The following CELF4 variants were observed in gnomAD, a reference collection of about 807,000 sequenced individuals.
The protein encoded by CELF4 is CUG-BP- and ETR-3-like factor 4.
A neutral mutation model predicts 59.9 loss-of-function variants in CELF4; 18 were observed. The ratio of observed to expected loss-of-function variants is 0.30; its 90% CI spans 0.21 to 0.45. The LOEUF (loss-of-function observed/expected upper bound fraction) is 0.45, where lower values mean the gene tolerates loss of function less well. Among genes scored for constraint, CELF4 ranks in the 20% least tolerant of loss-of-function variants. The pLI, the probability that CELF4 is intolerant of heterozygous loss-of-function variation, is 1.00. For missense variants in CELF4, 456 were observed against 689.0 expected, an observed-to-expected ratio of 0.66 and a Z score of 3.79; for synonymous variants, 261 against 267.1, an observed-to-expected ratio of 0.98 and a Z score of 0.22.
intron 2 of CELF4, among the ~76,000 whole-genome samples, chr18:37,395,439 C>T (rs1030833542): frequency 2.6e-5 from 4 of 152,186 alleles, no homozygotes; most frequent in African/African-American, 9.7e-5. Context: ...CCCGTTCCTG[C>T]GCCGCACACT....
At chr18:37,343,633 G>T (rs2098138006) in intron 2 of CELF4, among the ~76,000 whole-genome samples, 1 of 152,008 alleles carries the variant, frequency 6.6e-6, no homozygotes, top group Admixed American at 6.6e-5. Context: ...ATGTAGGAGT[G>T]CAGGAAGGGA....
At chr18:37,423,416 T>G (rs983085064) in intron 2 of CELF4, among the ~76,000 whole-genome samples, 2 of 152,054 alleles carry the variant, frequency 1.3e-5, no homozygotes, top group African/African-American at 4.8e-5. Flanking sequence ...ATGGGAAGAC[T>G]GCCTGGAGGA....
chr18:37,454,426 G>C (rs1341451504), intron 2 of CELF4, among the ~76,000 whole-genome samples: 1 of 152,086 alleles, frequency 6.6e-6, no homozygotes, highest in Non-Finnish European at 1.5e-5. Context: ...GCTTGGGTGG[G>C]GGACAGCCAA....
chr18:37,541,861 C>T (rs1166238504), intron 1 of CELF4, among the ~76,000 whole-genome samples: 3 of 152,096 alleles, frequency 2.0e-5, no homozygotes, highest in African/African-American at 7.2e-5. Context: ...GACACGTATA[C>T]AGCGGCCCCA....
chr18:37,390,566 G>A (rs2099148222), intron 2 of CELF4, among the ~76,000 whole-genome samples: 1 of 152,112 alleles, frequency 6.6e-6, no homozygotes, highest in South Asian at 2.1e-4. Context: ...CACCTGTCAT[G>A]TGCTAGGGTG....
chr18:37,381,110 T>TCATCCATC (rs373054331), intron 2 of CELF4, among the ~76,000 whole-genome samples: 120 of 134,646 alleles, frequency 8.9e-4, no homozygotes, highest in African/African-American at 1.6e-3. Context: ...CCATCCACCA[T>TCATCCATC]CATCCATCCA....
chr18:37,410,473 C>T (rs922677092), intron 2 of CELF4, among the ~76,000 whole-genome samples: 4 of 152,266 alleles, frequency 2.6e-5, no homozygotes, highest in Non-Finnish European at 4.4e-5. Context: ...GCTACCAGAA[C>T]CTCGGGCTGG....
intron 1 of CELF4, among the ~76,000 whole-genome samples, chr18:37,531,023 T>C (rs1161450099): frequency 6.6e-6 from 1 of 151,796 alleles, no homozygotes; most frequent in African/African-American, 2.4e-5. Flanking sequence ...AGGTGTCTTA[T>C]CTGCTGAGGC....
chr18:37,442,399 T>C (rs2099734660), intron 2 of CELF4, among the ~76,000 whole-genome samples: 1 of 152,138 alleles, frequency 6.6e-6, no homozygotes, highest in African/African-American at 2.4e-5. Flanking sequence ...AAAAACTAGA[T>C]CTCAGAAAAA....
At chr18:37,472,621 C>T (rs1459774030) in intron 2 of CELF4, among the ~76,000 whole-genome samples, 1 of 152,244 alleles carries the variant, frequency 6.6e-6, no homozygotes, top group African/African-American at 2.4e-5. Flanking sequence ...GATGAGAAAA[C>T]TGAGGCACAG....
intron 2 of CELF4, among the ~76,000 whole-genome samples, chr18:37,361,742 T>A (rs2098706251): frequency 6.6e-6 from 1 of 152,020 alleles, no homozygotes; most frequent in Admixed American, 6.6e-5. Flanking sequence ...TTTAAGTGGC[T>A]TTTAAAGCCT....
intron 2 of CELF4, among the ~76,000 whole-genome samples, chr18:37,359,607 G>A (rs1381807935): frequency 6.6e-6 from 1 of 152,190 alleles, no homozygotes; most frequent in Non-Finnish European, 1.5e-5. Flanking sequence ...CTCCCAGAGT[G>A]CTGGAATTAT....
At chr18:37,266,661 C>G (rs986989927) in intron 8 of CELF4, 63 bp from the exon 9 acceptor site, 13 of 1,314,240 alleles carry the variant, frequency 9.9e-6, no homozygotes, top group Non-Finnish European at 1.4e-5. Flanking sequence ...CCCCTCATGC[C>G]CATGGGGACA....
intron 2 of CELF4, among the ~76,000 whole-genome samples, chr18:37,449,758 G>A (rs1194832812): frequency 1.3e-5 from 2 of 152,238 alleles, no homozygotes; most frequent in Non-Finnish European, 2.9e-5. Flanking sequence ...AGCCAAGTGA[G>A]CATCTGAGAG....
intron 2 of CELF4, among the ~76,000 whole-genome samples, chr18:37,456,757 T>C (rs1002780993): frequency 6.6e-6 from 1 of 152,172 alleles, no homozygotes; most frequent in Non-Finnish European, 1.5e-5. Flanking sequence ...CTGGGGCCTA[T>C]TCCTGATGCA....
chr18:37,402,948 G>T (rs1304994072), intron 2 of CELF4, among the ~76,000 whole-genome samples: 1 of 152,184 alleles, frequency 6.6e-6, no homozygotes, highest in Admixed American at 6.5e-5. Flanking sequence ...GCCTGAACAG[G>T]CCCCAGTCCT....
intron 3 of CELF4, among the ~76,000 whole-genome samples, chr18:37,282,312 C>G (rs963409195): frequency 6.6e-6 from 1 of 152,132 alleles, no homozygotes; most frequent in Non-Finnish European, 1.5e-5. Flanking sequence ...TTTTGAGAAC[C>G]ACTGAGATGC....
At chr18:37,261,246 C>G (rs936387083) in intron 10 of CELF4, among the ~76,000 whole-genome samples, 160 of 151,868 alleles carry the variant, frequency 1.1e-3, no homozygotes, top group Middle Eastern at 3.4e-3. Flanking sequence ...CAGCCCCCCC[C>G]ACACCTCCCT....
intron 3 of CELF4, among the ~76,000 whole-genome samples, chr18:37,313,271 C>T (rs1035879026): frequency 2.6e-5 from 4 of 152,186 alleles, no homozygotes; most frequent in Admixed American, 6.5e-5. Context: ...TAATTTTCAA[C>T]GTGCTGTGGT....
Sources: allele counts gnomAD v4.1 joint callset (sites outside exome capture counted in the v4.1 genomes callset), GRCh38; gene constraint gnomAD v4.1.1; transcripts MANE v1.5; gene names NCBI Gene and HGNC (gene_info 2026-07-23, HGNC 2026-07-21).